RGS5: variants seen among roughly 807,000 people sequenced by gnomAD.
RGS5 encodes the protein regulator of G-protein signalling 5.
In RGS5, 20 loss-of-function variants were observed where a neutral mutation model predicts 18.9. The ratio of observed to expected loss-of-function variants is 1.06; its 90% CI spans 0.74 to 1.54. RGS5 has a LOEUF of 1.54. Ranked by LOEUF, RGS5 falls within the 40% of genes most tolerant of loss-of-function variation. The probability of loss-of-function intolerance (pLI) is 0.00; values close to 1 mark genes in which losing one functional copy is unlikely to be tolerated. For synonymous variants in RGS5, 57 were observed against 76.2 expected (o/e 0.75, Z 1.31); for missense variants, 201 against 211.8 (o/e 0.95, Z 0.32).
chr1:163,242,185 G>A (rs1391581530), intron 2 of RGS5, among the ~76,000 whole-genome samples: 1 of 152,166 alleles, frequency 6.6e-6, no homozygotes, highest in East Asian at 1.9e-4. Context: ...GTGGCTCCTT[G>A]AGGATAGAGA....
At chr1:163,301,741 T>G (rs1202231551) in intron 2 of RGS5, among the ~76,000 whole-genome samples, 1 of 152,184 alleles carries the variant, frequency 6.6e-6, no homozygotes, top group Non-Finnish European at 1.5e-5. Flanking sequence ...TTCCTTTAAG[T>G]ACACAGGATC....
At chr1:163,148,971 A>T (rs1286062124) in intron 4 of RGS5, among the ~76,000 whole-genome samples, 1 of 152,238 alleles carries the variant, frequency 6.6e-6, no homozygotes, top group African/African-American at 2.4e-5. Flanking sequence ...GGCTCAGAGA[A>T]TTATGAAGCA....
chr1:163,261,272 A>G (rs1244444018), intron 2 of RGS5, among the ~76,000 whole-genome samples: 1 of 152,040 alleles, frequency 6.6e-6, no homozygotes, highest in African/African-American at 2.4e-5. Context: ...TGTGATGCCC[A>G]TGGTCCTCTC....
chr1:163,163,861 A>T (rs1571224495), intron 2 of RGS5, among the ~76,000 whole-genome samples: 1 of 152,230 alleles, frequency 6.6e-6, no homozygotes, highest in Non-Finnish European at 1.5e-5. Context: ...TTCTCATTAA[A>T]TGAAATCACT....
rs1039432088 is a variant in RGS5 at position 163,260,101 on chromosome 1, T to C, written c.-281+46132A>G. The C allele has an allele frequency of 2.0e-5, 3 of 152,200 alleles. No individual in the cohort carries two copies. The South Asian group carries it at 6.2e-4, about 31-fold the overall frequency. 9.4% of individuals were successfully genotyped at this position (152,200 alleles called of 1,614,324 possible). A position where few individuals can be genotyped will look rare whatever the true frequency, so the allele number is the denominator to read the frequency against. ...TCCAGTGTTGTATGTAATACAGGGA[T>C]ATAGAATTCAGATTCAAAGCCTATG... On this transcript the variant is annotated intron_variant, in intron 2 of 5. Transcript: ENST00000618415.
intron 1 of RGS5, among the ~76,000 whole-genome samples, chr1:163,202,036 C>T (rs1005628452): frequency 6.6e-6 from 1 of 152,106 alleles, no homozygotes; most frequent in African/African-American, 2.4e-5. Context: ...GAATATTGTC[C>T]AGCCTACGGA....
intron 3 of RGS5, among the ~76,000 whole-genome samples, chr1:163,155,901 G>T (rs1657561942): frequency 6.6e-6 from 1 of 152,084 alleles, no homozygotes; most frequent in South Asian, 2.1e-4. Context: ...AACACTCCAG[G>T]TTGTAATCTA....
rs1192239559 is a variant in RGS5, at chr1:163,251,145, C to T, written c.-281+55088G>A. On this transcript the variant is annotated intron_variant, in intron 2 of 5. Coordinates refer to the RGS5 transcript ENST00000618415. The stretch of plus-strand genomic sequence containing the variant: ...CAGGTTACATTTATGTAAGACAATG[C>T]AAACCTATACGAGATGAACTCGATC... Among the ~76,000 whole-genome samples the T allele has an allele frequency of 2.6e-5, 4 of 152,070 alleles. No individual in the cohort carries two copies. In the South Asian group the frequency reaches 8.3e-4, roughly 32 times the overall value.
At chr1:163,209,157 T>A (rs775798772) in intron 1 of RGS5, among the ~76,000 whole-genome samples, 2 of 152,208 alleles carry the variant, frequency 1.3e-5, no homozygotes, top group Admixed American at 1.3e-4. Context: ...TCCTGGAAAT[T>A]CAAAAACTTT....
chr1:163,246,562 CTCTG>C (rs1364564103), intron 2 of RGS5, among the ~76,000 whole-genome samples: 1 of 152,124 alleles, frequency 6.6e-6, no homozygotes, highest in African/African-American at 2.4e-5. Context: ...CACAGTGAAA[CTCTG>C]TCTGAAAAAC....
At chr1:163,251,181 C>A (rs1648098023) in intron 2 of RGS5, among the ~76,000 whole-genome samples, 1 of 151,950 alleles carries the variant, frequency 6.6e-6, no homozygotes, top group South Asian at 2.1e-4. Context: ...CTCTGTCATG[C>A]CTACTGAATG....
At chr1:163,224,568 A>G (rs1361667258) in intron 2 of RGS5, among the ~76,000 whole-genome samples, 1 of 152,180 alleles carries the variant, frequency 6.6e-6, no homozygotes, top group Non-Finnish European at 1.5e-5. Context: ...ATATATACCC[A>G]ATAGTGGGAT....
intron 2 of RGS5, among the ~76,000 whole-genome samples, chr1:163,235,358 T>C (rs1390807885): frequency 6.6e-6 from 1 of 152,118 alleles, no homozygotes; most frequent in African/African-American, 2.4e-5. Flanking sequence ...ATATATAATG[T>C]TGAAAAAGTA....
At chr1:163,277,790 A>G (rs967284434) in intron 2 of RGS5, among the ~76,000 whole-genome samples, 1 of 152,180 alleles carries the variant, frequency 6.6e-6, no homozygotes, top group African/African-American at 2.4e-5. Context: ...GAAACAATTC[A>G]TGATCCAAAT....
chr1:163,299,186 C>T (rs1649495260), intron 2 of RGS5, among the ~76,000 whole-genome samples: 1 of 152,120 alleles, frequency 6.6e-6, no homozygotes, highest in Non-Finnish European at 1.5e-5. Context: ...ACAAATTATA[C>T]TATTATACAG....
chr1:163,204,022 T>A (rs1162761189), upstream of RGS5, among the ~76,000 whole-genome samples: 3 of 152,204 alleles, frequency 2.0e-5, no homozygotes, highest in African/African-American at 7.2e-5. Flanking sequence ...TTCTCTGTTA[T>A]CTGAAATTAG....
chr1:163,210,112 C>G (rs866145008), intron 1 of RGS5, among the ~76,000 whole-genome samples: 1 of 152,134 alleles, frequency 6.6e-6, no homozygotes, highest in East Asian at 1.9e-4. Context: ...ACCTCAACTT[C>G]CCAAGTTCCT....
rs12746394 is a variant in RGS5 at position 163,278,382 on chromosome 1, T to A, written c.-281+27851A>T. Among the ~76,000 whole-genome samples the A allele has an allele frequency of 2.6e-5, 4 of 151,860 alleles. No individual in the cohort carries two copies. The East Asian group carries it at 5.8e-4, about 22-fold the overall frequency. On this transcript the variant is annotated intron_variant, in intron 2 of 5. Coordinates refer to the RGS5 transcript ENST00000618415. Reference sequence around the variant, plus strand: ...AAAAGTACTATACCCAACAAATCTATCCTTCAGAAATGGAGAAATAAAATT... The same window carrying A: ...AAAAGTACTATACCCAACAAATCTAACCTTCAGAAATGGAGAAATAAAATT...
chr1:163,305,952 A>G (rs553020119), intron 2 of RGS5, among the ~76,000 whole-genome samples: 3 of 152,306 alleles, frequency 2.0e-5, no homozygotes, highest in Admixed American at 6.5e-5. Context: ...TATGGAGTCT[A>G]TAACACAGAT....
Sources: allele counts gnomAD v4.1 joint callset (sites outside exome capture counted in the v4.1 genomes callset), GRCh38; gene constraint gnomAD v4.1.1; transcripts MANE v1.5; gene names NCBI Gene and HGNC (gene_info 2026-07-23, HGNC 2026-07-21).